The following CCDC169 variants were observed in gnomAD, a reference collection of about 807,000 sequenced individuals.
The protein encoded by CCDC169 is coiled-coil domain-containing protein 169.
Under a neutral mutation model 36.0 loss-of-function variants are expected in CCDC169, and 30 were observed. The ratio of observed to expected loss-of-function variants is 0.83; its 90% CI spans 0.62 to 1.13. CCDC169 has a LOEUF of 1.13. CCDC169 is among the 50% of genes most tolerant of loss of function. CCDC169 has a pLI of 0.00. For synonymous variants in CCDC169, 85 were observed against 81.5 expected (o/e 1.04, Z -0.23); for missense variants, 245 against 245.9 (o/e 1.00, Z 0.03).
intron 4 of CCDC169, among the ~76,000 whole-genome samples, chr13:36,275,025 C>T (rs1384605997): frequency 2.6e-5 from 4 of 152,010 alleles, no homozygotes; most frequent in Admixed American, 6.6e-5. Flanking sequence ...CCCACCATCA[C>T]GCCCGGCTAA....
intron 7 of CCDC169, among the ~76,000 whole-genome samples, chr13:36,237,069 GTAT>G (rs144792651): frequency 1.3e-5 from 2 of 150,896 alleles, no homozygotes; most frequent in Admixed American, 6.6e-5. Context: ...TATTATTATT[GTAT>G]TATTATTATT....
chr13:36,250,314 C>T (rs575586273), intron 6 of CCDC169, among the ~76,000 whole-genome samples: 1 of 152,106 alleles, frequency 6.6e-6, no homozygotes, highest in African/African-American at 2.4e-5. Flanking sequence ...GATATGGCTG[C>T]AGAGACAGGA....
chr13:36,237,037 T>C (rs1871164936), intron 7 of CCDC169, among the ~76,000 whole-genome samples: 2 of 151,560 alleles, frequency 1.3e-5, no homozygotes, highest in African/African-American at 4.8e-5. Context: ...TGTTATACTT[T>C]GTTGGGTTTT....
Position 36,283,598 on chromosome 13 carries a change from A to C in CCDC169, c.268T>G (p.Ser90Ala). 1 of 1,551,286 alleles carries C rather than the reference A, an allele frequency of 6.4e-7. No individual in the cohort carries two copies. Among genetic ancestry groups the C allele is most frequent in the Non-Finnish European group, 8.7e-7 (1 of 1,146,810 alleles). Residue 90 changes from serine to alanine, a missense_variant, in exon 3 of 8, where the codon TCT becomes GCT. Physicochemically the swap from Ser to Ala is moderately conservative, Grantham distance 99 (BLOSUM62 1). Coordinates refer to ENST00000239859, the MANE Select transcript of CCDC169 (RefSeq NM_001144981.3). ...CATATGATTGGTTTTGTACCTGAAG[A>C]GTTTCCATGGATTTTTTCCACTTTC... ...KEKVEKIHGN[S>A]SDRLSSIRVY...
intron 1 of CCDC169, among the ~76,000 whole-genome samples, chr13:36,297,188 T>G (rs527275755): frequency 1.3e-5 from 2 of 152,268 alleles, no homozygotes; most frequent in South Asian, 4.1e-4. Context: ...GTACGAATAC[T>G]GTTTTTAAAA....
At position 36,297,796 on chromosome 13, in the gene CCDC169, CAGTACGGCACG is replaced by C. The variant is rs1480343466; in HGVS notation, c.-88_-78del. 2.2e-6 allele frequency: 3 copies of C among 1,374,962 alleles called. No individual in the cohort carries two copies. The highest frequency in any genetic ancestry group is 2.0e-6 in the Non-Finnish European group (2 of 995,296). The allele number at this position is 1,374,962 out of a possible 1,614,324, so 85.2% of individuals were successfully genotyped here. ...AAGACATTAAGGGCCACCCAGAAGCCAGTACGGCACGAGGCGGTGAACCCCAACCGCCCCCC... is the reference window on the plus strand; with the variant it reads ...AAGACATTAAGGGCCACCCAGAAGCCAGGCGGTGAACCCCAACCGCCCCCC... On this transcript the variant is annotated 5_prime_UTR_variant, in exon 1 of 8. Transcript: ENST00000239859.
downstream of CCDC169, chr13:36,222,697 C>G (rs1033549510): frequency 2.6e-5 from 4 of 152,062 alleles, no homozygotes; most frequent in Non-Finnish European, 4.4e-5. Context: ...AATCTATAAC[C>G]AACAATGTGA....
At chr13:36,294,795 C>T (rs762776949) in intron 2 of CCDC169, among the ~76,000 whole-genome samples, 8 of 152,032 alleles carry the variant, frequency 5.3e-5, no homozygotes, top group Non-Finnish European at 8.8e-5. Flanking sequence ...GGGCTCCATG[C>T]ACCAGTAATT....
chr13:36,284,231 T>C (rs886854649), intron 2 of CCDC169, among the ~76,000 whole-genome samples: 11 of 152,264 alleles, frequency 7.2e-5, no homozygotes, highest in South Asian at 2.1e-4. Context: ...CAATGTCATG[T>C]TCATTTTTTT....
chr13:36,239,181 T>C (rs927896955), intron 7 of CCDC169, among the ~76,000 whole-genome samples: 47 of 151,016 alleles, frequency 3.1e-4, no homozygotes, highest in Non-Finnish European at 4.1e-4. Context: ...AGGGTTAAAG[T>C]GAGCAATCAT....
At chr13:36,224,079 G>C (rs1345663514), downstream of CCDC169, 1 of 151,972 alleles carries the variant, frequency 6.6e-6, no homozygotes, top group Non-Finnish European at 1.5e-5. Flanking sequence ...TCCAGCCCCA[G>C]TCAAAAATCA....
intron 2 of CCDC169, among the ~76,000 whole-genome samples, chr13:36,287,729 C>T (rs1000420001): frequency 1.3e-5 from 2 of 152,062 alleles, no homozygotes; most frequent in South Asian, 4.2e-4. Context: ...CAGAATTGTC[C>T]CCATACATTT....
At chr13:36,247,898 T>C (rs1872692366) in intron 7 of CCDC169, among the ~76,000 whole-genome samples, 1 of 152,156 alleles carries the variant, frequency 6.6e-6, no homozygotes. Context: ...ACAACACATA[T>C]GACAGAGACA....
intron 7 of CCDC169, among the ~76,000 whole-genome samples, chr13:36,233,888 TG>T (rs932215255): frequency 6.6e-6 from 1 of 152,214 alleles, no homozygotes. Context: ...CTGTCTTAAG[TG>T]GGAAAGTTTG....
At chr13:36,290,335 T>C (rs1878719931) in intron 2 of CCDC169, among the ~76,000 whole-genome samples, 1 of 152,230 alleles carries the variant, frequency 6.6e-6, no homozygotes, top group Non-Finnish European at 1.5e-5. Flanking sequence ...ATAATTTAAA[T>C]GTTTAAATTT....
chr13:36,285,378 G>A (rs946992710), intron 2 of CCDC169, among the ~76,000 whole-genome samples: 4 of 151,980 alleles, frequency 2.6e-5, no homozygotes, highest in Admixed American at 6.6e-5. Context: ...GTGAAACCCC[G>A]TCTCTACTAA....
chr13:36,240,855 T>C lies in CCDC169; in HGVS notation c.545+7751A>G, dbSNP rs530279840. 1.6e-4 allele frequency among the ~76,000 whole-genome samples: 25 copies of C among 152,288 alleles called. No homozygotes were observed. The South Asian group carries it at 5.0e-3, about 30-fold the overall frequency. ...TACCTATTGACTTGTCTAGACTTTT[T>C]TGGCAACTTACAAAACTTATACTAA... On this transcript the variant is annotated intron_variant, in intron 7 of 7. Transcript: ENST00000239859.
chr13:36,242,162 G>A (rs1242439241), intron 7 of CCDC169, among the ~76,000 whole-genome samples: 3 of 152,138 alleles, frequency 2.0e-5, no homozygotes, highest in Non-Finnish European at 4.4e-5. Context: ...GTTCTTTATA[G>A]CAGTGTGAAA....
At chr13:36,229,482 G>C (rs2138370295), downstream of CCDC169, among the ~76,000 whole-genome samples, 2 of 151,362 alleles carry the variant, frequency 1.3e-5, no homozygotes, top group South Asian at 4.2e-4. Flanking sequence ...CAATAGCTTA[G>C]CTCTGTAAGG....
Sources: allele counts gnomAD v4.1 joint callset (sites outside exome capture counted in the v4.1 genomes callset), GRCh38; gene constraint gnomAD v4.1.1; transcripts MANE v1.5; gene names NCBI Gene and HGNC (gene_info 2026-07-23, HGNC 2026-07-21).